The following FAM184B variants were observed in gnomAD, a reference collection of about 807,000 sequenced individuals.
FAM184B encodes protein FAM184B.
FAM184B carries 111 observed loss-of-function variants against 135.9 expected under a neutral mutation model. That is an observed-to-expected ratio of 0.82 (90% CI 0.70 to 0.96). FAM184B has a LOEUF of 0.96. FAM184B is among the 40% of genes least tolerant of loss of function. The pLI is 0.00. For missense variants in FAM184B, 1,375 were observed against 1,323.9 expected, an observed-to-expected ratio of 1.04 and a Z score of -0.60; for synonymous variants, 552 against 524.8, an observed-to-expected ratio of 1.05 and a Z score of -0.71.
chr4:17,708,663 C>CTATACATATATATATATATATA (rs1228433126), intron 2 of FAM184B, among the ~76,000 whole-genome samples: 2 of 16,978 alleles, frequency 1.2e-4, no homozygotes, highest in Non-Finnish European at 2.0e-4. Context: ...GGAAACAAAA[C>CTATACATATATATATATATATA]TATATATATA....
chr4:17,734,329 G>A (rs940120998), intron 1 of FAM184B, among the ~76,000 whole-genome samples: 6 of 151,908 alleles, frequency 3.9e-5, no homozygotes, highest in Non-Finnish European at 5.9e-5. Context: ...AAATTGACAA[G>A]TGGGATCTAA....
chr4:17,766,988 G>A (rs1217880343), intron 1 of FAM184B, among the ~76,000 whole-genome samples: 12 of 152,320 alleles, frequency 7.9e-5, no homozygotes, highest in African/African-American at 2.2e-4. Context: ...GAATTCCAGC[G>A]CAGCGCCAGC....
chr4:17,693,004 C>T (rs1443758547), intron 6 of FAM184B, among the ~76,000 whole-genome samples: 3 of 120,024 alleles, frequency 2.5e-5, no homozygotes, highest in Non-Finnish European at 5.4e-5. Context: ...GAATGTAACC[C>T]TGGGGAAGGA....
At chr4:17,651,396 G>A (rs1349549269) in intron 11 of FAM184B, among the ~76,000 whole-genome samples, 4 of 151,802 alleles carry the variant, frequency 2.6e-5, no homozygotes, top group Non-Finnish European at 4.4e-5. Flanking sequence ...AAATTAGCCG[G>A]GCGTGGTGGC....
chr4:17,703,734 C>T (rs1413331643), intron 5 of FAM184B, among the ~76,000 whole-genome samples: 1 of 151,924 alleles, frequency 6.6e-6, no homozygotes, highest in African/African-American at 2.4e-5. Flanking sequence ...AGATCTAGAC[C>T]AACCTGGCCA....
chr4:17,634,863 G>T, intron 16 of FAM184B, 146 bp downstream of exon 16: 1 of 558,208 alleles, frequency 1.8e-6, no homozygotes, highest in Non-Finnish European at 3.1e-6. Flanking sequence ...AATCCGCCCA[G>T]CCATAGATAT....
chr4:17,749,747 A>G (rs1189028791), intron 1 of FAM184B, among the ~76,000 whole-genome samples: 3 of 152,222 alleles, frequency 2.0e-5, no homozygotes, highest in Non-Finnish European at 4.4e-5. Context: ...CCCCTTCAGT[A>G]CAAAGGAATA....
At chr4:17,768,653 T>A (rs1292204888) in intron 1 of FAM184B, among the ~76,000 whole-genome samples, 1 of 151,166 alleles carries the variant, frequency 6.6e-6, no homozygotes, top group Non-Finnish European at 1.5e-5. Context: ...TTTTCAATTA[T>A]CCAAAATGTC....
At chr4:17,768,203 T>A (rs1718740231) in intron 1 of FAM184B, among the ~76,000 whole-genome samples, 1 of 152,250 alleles carries the variant, frequency 6.6e-6, no homozygotes, top group Non-Finnish European at 1.5e-5. Flanking sequence ...AATGTAAAGA[T>A]CATCTTTGAC....
At position 17,647,641 on chromosome 4, in the gene FAM184B, G is replaced by A; in HGVS notation, c.2342C>T (p.Thr781Ile). The part of the protein sequence containing the change: ...PGDSKDHIIA[T>I]EERGGPGQAG... ...TGCAAGGGCGGGGGCACTGACCTCTGTGGCGATTATGTGATCCTTGCTGTC... is the reference window on the plus strand; with the variant it reads ...TGCAAGGGCGGGGGCACTGACCTCTATGGCGATTATGTGATCCTTGCTGTC... The change falls in exon 12 of 18, where the codon ACA becomes ATA. Residue 781 changes from threonine to isoleucine, a missense_variant. Physicochemically the swap from Thr to Ile is moderately conservative, Grantham distance 89. Transcript: ENST00000265018. 6.5e-7 allele frequency: 1 copy of A among 1,549,824 alleles called. No homozygotes were observed. The highest frequency in any genetic ancestry group is 2.0e-5 in the Admixed American group (1 of 50,978).
intron 14 of FAM184B, 50 bp downstream of exon 14, chr4:17,639,200 C>A: frequency 6.5e-7 from 1 of 1,535,900 alleles, no homozygotes; most frequent in Non-Finnish European, 8.8e-7. Context: ...GGCCACCCTA[C>A]TGAATGGTAC....
At chr4:17,766,188 C>G (rs1490015662) in intron 1 of FAM184B, among the ~76,000 whole-genome samples, 1 of 152,232 alleles carries the variant, frequency 6.6e-6, no homozygotes, top group African/African-American at 2.4e-5. Context: ...ACACCCACAT[C>G]CTGCTGATTG....
chr4:17,702,871 A>G (rs1050363676), intron 5 of FAM184B, among the ~76,000 whole-genome samples: 1 of 152,060 alleles, frequency 6.6e-6, no homozygotes, highest in Non-Finnish European at 1.5e-5. Context: ...AAGAGTGTCC[A>G]TCTGTTTGTC....
At chr4:17,762,522 G>A (rs567647681) in intron 1 of FAM184B, among the ~76,000 whole-genome samples, 6 of 152,260 alleles carry the variant, frequency 3.9e-5, no homozygotes, top group South Asian at 2.1e-4. Flanking sequence ...ACCAACACAC[G>A]ATATTGTCAT....
chr4:17,675,580 T>C (rs549308086), intron 7 of FAM184B, among the ~76,000 whole-genome samples: 5 of 152,330 alleles, frequency 3.3e-5, no homozygotes, highest in African/African-American at 1.2e-4. Flanking sequence ...GAGCCAGGCA[T>C]TGACTTTTAC....
chr4:17,764,356 T>G lies in FAM184B; in HGVS notation c.141+16803A>C, dbSNP rs573404148. On this transcript the variant is annotated intron_variant, in intron 1 of 17. Transcript: ENST00000265018. ...ACCTCTTTGCACTCCACAAGACCCC[T>G]CCAAATTGCACCTCTAATCTGGAAG... Among the ~76,000 whole-genome samples, 5 of 152,262 alleles carry G rather than the reference T, an allele frequency of 3.3e-5. No homozygotes were observed. In the East Asian group the frequency reaches 9.6e-4, roughly 29 times the overall value.
chr4:17,689,327 C>T (rs1716668612), intron 6 of FAM184B, among the ~76,000 whole-genome samples: 1 of 152,118 alleles, frequency 6.6e-6, no homozygotes, highest in Admixed American at 6.5e-5. Context: ...GACAGATTTC[C>T]CCTAGACTTT....
At chr4:17,762,748 A>G (rs772278074) in intron 1 of FAM184B, among the ~76,000 whole-genome samples, 1 of 152,230 alleles carries the variant, frequency 6.6e-6, no homozygotes, top group Non-Finnish European at 1.5e-5. Flanking sequence ...CAAAATGCCT[A>G]TAAGACACCT....
chr4:17,667,590 G>C (rs564218368), intron 7 of FAM184B, among the ~76,000 whole-genome samples: 3 of 152,300 alleles, frequency 2.0e-5, no homozygotes, highest in African/African-American at 7.2e-5. Flanking sequence ...GCCTGAGAGA[G>C]AGTAAACATC....
Sources: gnomAD v4.1 joint callset for allele counts (sites outside exome capture counted in the v4.1 genomes callset) on GRCh38, gnomAD v4.1.1 for gene constraint, MANE v1.5 for transcripts, NCBI Gene and HGNC (gene_info 2026-07-23, HGNC 2026-07-21) for gene names.